TANC2: variants seen among roughly 807,000 people sequenced by gnomAD.
The protein encoded by TANC2 is tetratricopeptide repeat, ankyrin repeat and coiled-coil containing 2.
A neutral mutation model predicts 210.5 loss-of-function variants in TANC2; 26 were observed. That is an observed-to-expected ratio of 0.12 (90% CI 0.09 to 0.17). The LOEUF (loss-of-function observed/expected upper bound fraction) is 0.17. TANC2 is among the 10% of genes least tolerant of loss of function. The pLI, the probability that TANC2 is intolerant of heterozygous loss-of-function variation, is 1.00. For missense variants in TANC2, 2,129 were observed against 2,608.9 expected (o/e 0.82, Z 4.01); for synonymous variants, 931 against 967.1 (o/e 0.96, Z 0.69).
intron 14 of TANC2, among the ~76,000 whole-genome samples, chr17:63,370,343 T>C (rs1160037639): frequency 6.6e-6 from 1 of 151,988 alleles, no homozygotes; most frequent in Non-Finnish European, 1.5e-5. Context: ...CACTCCCGGC[T>C]AATTTTTTGT....
chr17:63,167,348 A>G (rs1485034301), intron 5 of TANC2, among the ~76,000 whole-genome samples: 1 of 152,194 alleles, frequency 6.6e-6, no homozygotes, highest in Admixed American at 6.5e-5. Flanking sequence ...ATTATATTGT[A>G]TGTTCTACAA....
chr17:63,017,574 CCAAA>C (rs992765180), intron 2 of TANC2, among the ~76,000 whole-genome samples: 4 of 152,062 alleles, frequency 2.6e-5, no homozygotes, highest in African/African-American at 7.2e-5. Flanking sequence ...CCCCTTAAGC[CCAAA>C]CAAATTCTGA....
At chr17:63,157,145 A>C (rs2039868137) in intron 5 of TANC2, among the ~76,000 whole-genome samples, 1 of 152,134 alleles carries the variant, frequency 6.6e-6, no homozygotes, top group Non-Finnish European at 1.5e-5. Flanking sequence ...TAGGCAGATA[A>C]GGGAACTTCA....
At chr17:63,318,841 C>G (rs2045399576) in intron 10 of TANC2, 116 bp from the exon 11 acceptor site, 4 of 1,221,030 alleles carry the variant, frequency 3.3e-6, no homozygotes, top group Non-Finnish European at 3.5e-6. Flanking sequence ...TTTTATTTCT[C>G]TTAAGTATAT....
chr17:63,097,357 T>C (rs1385246676), intron 3 of TANC2, among the ~76,000 whole-genome samples: 1 of 152,152 alleles, frequency 6.6e-6, no homozygotes, highest in Non-Finnish European at 1.5e-5. Context: ...TTGCCCATTT[T>C]TAAATTGGAT....
At chr17:63,004,696 A>C in intron 1 of TANC2, 1 of 316,864 alleles carries the variant, frequency 3.2e-6, no homozygotes, top group Non-Finnish European at 6.1e-6. Flanking sequence ...CAGTTGTCAA[A>C]AATGCACACA....
At chr17:63,200,702 A>G in intron 6 of TANC2, 69 bp from the exon 7 acceptor site, 10 of 1,364,328 alleles carry the variant, frequency 7.3e-6, no homozygotes, top group Non-Finnish European at 1.0e-5. Flanking sequence ...CAAAGCATTT[A>G]TTTTATCTTA....
chr17:63,227,264 G>A (rs1051960999), intron 7 of TANC2, among the ~76,000 whole-genome samples: 28 of 152,224 alleles, frequency 1.8e-4, no homozygotes, highest in African/African-American at 6.7e-4. Context: ...GCCAGTGTCT[G>A]TTGTTTCTTG....
At chr17:63,182,973 T>C (rs545143963) in intron 5 of TANC2, among the ~76,000 whole-genome samples, 1 of 152,354 alleles carries the variant, frequency 6.6e-6, no homozygotes, top group African/African-American at 2.4e-5. Context: ...TTCGACTTTC[T>C]TTTTCATTGT....
intron 13 of TANC2, among the ~76,000 whole-genome samples, chr17:63,353,656 C>A (rs1347067050): frequency 6.6e-6 from 1 of 151,660 alleles, no homozygotes; most frequent in Non-Finnish European, 1.5e-5. Flanking sequence ...GAGCCCAGAG[C>A]CCTGGGTGAG....
intron 11 of TANC2, among the ~76,000 whole-genome samples, chr17:63,332,716 C>A (rs1444834199): frequency 6.6e-6 from 1 of 152,140 alleles, no homozygotes; most frequent in Non-Finnish European, 1.5e-5. Context: ...ACTTTCATAG[C>A]TAGAGAGAAG....
At chr17:63,346,846 C>T (rs1054222273) in intron 12 of TANC2, among the ~76,000 whole-genome samples, 7 of 152,076 alleles carry the variant, frequency 4.6e-5, no homozygotes, top group African/African-American at 1.4e-4. Flanking sequence ...CCGGGGGCTA[C>T]AGGCATACAC....
intron 5 of TANC2, among the ~76,000 whole-genome samples, chr17:63,188,720 G>A (rs889905388): frequency 6.6e-6 from 1 of 152,118 alleles, no homozygotes; most frequent in African/African-American, 2.4e-5. Context: ...TGGGTGATGG[G>A]TACATGGTTC....
intron 4 of TANC2, among the ~76,000 whole-genome samples, chr17:63,102,549 G>A (rs950969317): frequency 1.3e-5 from 2 of 151,316 alleles, no homozygotes; most frequent in South Asian, 2.1e-4. Flanking sequence ...GTATACATGC[G>A]CCATGTTGGT....
At chr17:63,222,723 AC>A (rs1312040765) in intron 7 of TANC2, among the ~76,000 whole-genome samples, 1 of 34,484 alleles carries the variant, frequency 2.9e-5, no homozygotes, top group African/African-American at 1.9e-4. Flanking sequence ...CTGATTAAAC[AC>A]ACACACACAC....
chr17:63,048,300 T>A (rs1471802398), intron 2 of TANC2, among the ~76,000 whole-genome samples: 1 of 152,196 alleles, frequency 6.6e-6, no homozygotes, highest in Non-Finnish European at 1.5e-5. Flanking sequence ...TTGAGAATTA[T>A]TGCAGAACTC....
In TANC2 at chr17:63,420,715, A is replaced by C; in HGVS notation, c.4985A>C (p.Lys1662Thr). 6.2e-7 allele frequency: 1 copy of C among 1,613,994 alleles called. No individual in the cohort carries two copies. The highest frequency in any genetic ancestry group is 1.1e-5 in the South Asian group (1 of 91,074). ...GTCAGTCAGCTTCCTGGCAGACCCA[A>C]ATCTCCATTATCCAAAATGGCCCAG... The change falls in exon 28 of 28, where the codon AAA (lysine) becomes ACA (threonine). Residue 1662 changes from lysine to threonine, a missense_variant. This residue lies in a region of TANC2 where 584 missense variants were observed against 627.3 expected (regional missense o/e 0.93). Transcript: ENST00000689528. This position sits in a 1 kb window ranked among gnomAD's most constrained non-coding sequence, Gnocchi z 4.2.
chr17:63,286,894 T>C (rs1276717605), intron 9 of TANC2, among the ~76,000 whole-genome samples: 2 of 152,186 alleles, frequency 1.3e-5, no homozygotes, highest in African/African-American at 2.4e-5. Context: ...TAGTGTATTT[T>C]TCACTTCAGC....
chr17:63,314,739 G>T (rs1228404994), intron 10 of TANC2, 70 bp downstream of exon 10: 3 of 1,542,456 alleles, frequency 1.9e-6, no homozygotes, highest in Non-Finnish European at 2.6e-6. Context: ...TTTATATTAG[G>T]TCGTATATCC....
Sources: allele counts gnomAD v4.1 joint callset (sites outside exome capture counted in the v4.1 genomes callset), GRCh38; gene constraint gnomAD v4.1.1; regional missense constraint gnomAD v4.1.1; non-coding constraint Gnocchi (gnomAD v3.1); transcripts MANE v1.5; gene names NCBI Gene and HGNC (gene_info 2026-07-23, HGNC 2026-07-21).